BAZ1A: variants seen among roughly 807,000 people sequenced by gnomAD.
BAZ1A encodes the protein bromodomain adjacent to zinc finger domain protein 1A.
BAZ1A carries 50 observed loss-of-function variants against 185.2 expected under a neutral mutation model. The observed-to-expected ratio is 0.27, with a 90% CI of 0.22 to 0.34. The LOEUF (loss-of-function observed/expected upper bound fraction) is 0.34, where lower values mean the gene tolerates loss of function less well. Among genes scored for constraint, BAZ1A ranks in the 10% least tolerant of loss-of-function variants. The probability of loss-of-function intolerance (pLI) is 1.00; values close to 1 mark genes in which losing one functional copy is unlikely to be tolerated. For missense variants in BAZ1A, 1,356 were observed against 1,839.9 expected (o/e 0.74, Z 4.81); for synonymous variants, 571 against 615.6 (o/e 0.93, Z 1.07).
intron 14 of BAZ1A, among the ~76,000 whole-genome samples, chr14:34,784,879 C>T (rs61981232): frequency 0.2 from 30,500 of 151,750 alleles, 3,538 homozygotes; most frequent in Non-Finnish European, 0.26. Flanking sequence ...TTATTTGAGA[C>T]GGAGTCTTGC....
intron 12 of BAZ1A, among the ~76,000 whole-genome samples, chr14:34,792,210 C>G (rs1259555531): frequency 6.6e-6 from 1 of 151,976 alleles, no homozygotes; most frequent in Non-Finnish European, 1.5e-5. Context: ...ACAGTGAAAC[C>G]CCGTCTCTAT....
chr14:34,865,985 C>T (rs560190471), intron 2 of BAZ1A, among the ~76,000 whole-genome samples: 3 of 152,056 alleles, frequency 2.0e-5, no homozygotes, highest in South Asian at 2.1e-4. Flanking sequence ...GCCAGGAGTT[C>T]GAGACCAGAC....
intron 21 of BAZ1A, chr14:34,768,805 T>C (rs745862812): frequency 1.1e-4 from 44 of 398,190 alleles, no homozygotes; most frequent in Non-Finnish European, 2.1e-4. Context: ...ATATAGTTAG[T>C]TGAAGATTTT....
Position 34,786,092 on chromosome 14 carries a change from AG to A in BAZ1A, c.1606+33del, listed in dbSNP as rs764898279. ...TGCCTTTATAAAATTAAAAATAAAA[AG>A]CCAAACAAAAAAAAAACAAAACCCA... is the stretch of plus-strand genomic sequence containing the variant. On this transcript the variant is annotated intron_variant, in intron 13 of 26. Coordinates refer to ENST00000360310, the MANE Select transcript of BAZ1A (RefSeq NM_013448.3). 1.0e-5 allele frequency: 16 copies of A among 1,571,554 alleles called. No individual in the cohort carries two copies. The African/African-American group carries it at 2.1e-4, about 20-fold the overall frequency.
intron 3 of BAZ1A, among the ~76,000 whole-genome samples, chr14:34,836,771 T>G (rs868085974): frequency 2.0e-5 from 3 of 152,140 alleles, no homozygotes; most frequent in African/African-American, 2.4e-5. Flanking sequence ...ATATCTCATT[T>G]TAAGTGGAAG....
intron 3 of BAZ1A, among the ~76,000 whole-genome samples, chr14:34,826,738 G>A (rs1252161959): frequency 6.6e-6 from 1 of 152,158 alleles, no homozygotes; most frequent in African/African-American, 2.4e-5. Flanking sequence ...AGATTGTGAT[G>A]CTTAATTTTA....
intron 16 of BAZ1A, 79 bp downstream of exon 16, chr14:34,783,037 AAAG>A: frequency 9.1e-7 from 1 of 1,098,220 alleles, no homozygotes; most frequent in Non-Finnish European, 1.3e-6. Context: ...TAAAAATGTG[AAAG>A]CATTTTTAGA....
chr14:34,826,553 A>G (rs1484856840), intron 3 of BAZ1A, among the ~76,000 whole-genome samples: 1 of 152,028 alleles, frequency 6.6e-6, no homozygotes, highest in Non-Finnish European at 1.5e-5. Context: ...AAATTTTGGT[A>G]TATTTTTGTT....
intron 3 of BAZ1A, among the ~76,000 whole-genome samples, chr14:34,842,389 T>A (rs764890109): frequency 3.9e-5 from 6 of 152,182 alleles, no homozygotes; most frequent in Non-Finnish European, 8.8e-5. Flanking sequence ...GGCTTAAACA[T>A]TGCAGAGTAC....
intron 21 of BAZ1A, among the ~76,000 whole-genome samples, chr14:34,769,012 G>A (rs766412823): frequency 3.3e-5 from 5 of 152,226 alleles, no homozygotes; most frequent in Middle Eastern, 3.4e-3. Context: ...AACGTAAGTA[G>A]AATTTTTATT....
At chr14:34,840,142 T>C (rs1344524704) in intron 3 of BAZ1A, among the ~76,000 whole-genome samples, 2 of 152,196 alleles carry the variant, frequency 1.3e-5, no homozygotes, top group Non-Finnish European at 2.9e-5. Flanking sequence ...ACCTGGCTAA[T>C]TGAGGTAGGT....
chr14:34,796,159 T>TACACACACAC (rs1881180905), intron 9 of BAZ1A, among the ~76,000 whole-genome samples: 1 of 97,536 alleles, frequency 1.0e-5, no homozygotes, highest in South Asian at 4.0e-4. Flanking sequence ...CACATATACA[T>TACACACACAC]ATACATACAC....
chr14:34,822,150 C>T (rs1333026139), intron 4 of BAZ1A, among the ~76,000 whole-genome samples: 1 of 152,050 alleles, frequency 6.6e-6, no homozygotes, highest in East Asian at 1.9e-4. Context: ...CAAACATTAG[C>T]TGGGTGTGGT....
Position 34,800,287 on chromosome 14 carries a change from A to C in BAZ1A, c.1065T>G (p.Ile355Met). Residue 355 changes from isoleucine to methionine, a missense_variant, in exon 9 of 27, where the codon ATT becomes ATG. Coordinates refer to ENST00000360310, the MANE Select transcript of BAZ1A (RefSeq NM_013448.3). ...KEKKREELKK[I>M]VEEERLKKKE... ...TTTTCTTTAGTCTCTCTTCTTCAAC[A>C]ATTTTTTTCAATTCTTCCCTCTTTT... is the stretch of plus-strand genomic sequence containing the variant. The C allele has an allele frequency of 7.5e-6, 11 of 1,461,766 alleles. No individual in the cohort carries two copies. Among genetic ancestry groups the C allele is most frequent in the Non-Finnish European group, 1.0e-5 (11 of 1,075,116 alleles). 90.5% of individuals were successfully genotyped at this position (1,461,766 alleles called of 1,614,324 possible).
chr14:34,756,464 C>CTTTTTTTT (rs1343693112), intron 25 of BAZ1A, among the ~76,000 whole-genome samples: 5 of 107,168 alleles, frequency 4.7e-5, no homozygotes, highest in African/African-American at 3.8e-5. Context: ...GCCAGAATAC[C>CTTTTTTTT]TATTTTTTTT....
At chr14:34,789,868 T>C (rs1880727335) in intron 12 of BAZ1A, among the ~76,000 whole-genome samples, 1 of 152,178 alleles carries the variant, frequency 6.6e-6, no homozygotes, top group Non-Finnish European at 1.5e-5. Context: ...CATAGCATAA[T>C]TGTAATGAGT....
intron 9 of BAZ1A, among the ~76,000 whole-genome samples, chr14:34,798,855 A>C (rs1472680613): frequency 6.6e-6 from 1 of 152,184 alleles, no homozygotes; most frequent in Non-Finnish European, 1.5e-5. Flanking sequence ...AACCAGAAGT[A>C]CCATTTGACC....
In BAZ1A at chr14:34,862,245, T is replaced by C; in HGVS notation, c.191A>G (p.Tyr64Cys). ...CAVTGRPGLT[Y>C]QEALESEKKA... ...TTTTTCTGACTCAAGTGCTTCCTGA[T>C]ACGTCAGTCCAGGTCTACCCGTCAC... is the stretch of plus-strand genomic sequence containing the variant. Residue 64 changes from tyrosine (Y) to cysteine (C), a missense_variant, in exon 3 of 27, where the codon TAT becomes TGT. By Grantham distance (194) the Tyr-to-Cys change is radical (BLOSUM62 -2). Coordinates refer to ENST00000360310, the MANE Select transcript of BAZ1A (RefSeq NM_013448.3). 1 of 1,614,180 alleles carries C rather than the reference T, an allele frequency of 6.2e-7. No homozygotes were observed. Among genetic ancestry groups the C allele is most frequent in the Non-Finnish European group, 8.5e-7 (1 of 1,180,038 alleles).
intron 3 of BAZ1A, among the ~76,000 whole-genome samples, chr14:34,830,580 GCTTTT>G (rs1251314782): frequency 6.6e-6 from 1 of 151,912 alleles, no homozygotes; most frequent in African/African-American, 2.4e-5. Flanking sequence ...AATGGGCAAA[GCTTTT>G]CTTTCTGAGA....
Sources: allele counts gnomAD v4.1 joint callset (sites outside exome capture counted in the v4.1 genomes callset), GRCh38; gene constraint gnomAD v4.1.1; transcripts MANE v1.5; gene names NCBI Gene and HGNC (gene_info 2026-07-23, HGNC 2026-07-21).